Variants in CCDC83 observed in about 807,000 individuals in gnomAD.
The protein encoded by CCDC83 is coiled-coil domain-containing protein 83.
Under a neutral mutation model 50.1 loss-of-function variants are expected in CCDC83, and 54 were observed. That is an observed-to-expected ratio of 1.08 (90% CI 0.87 to 1.35). CCDC83 has a LOEUF of 1.35. CCDC83 is among the 40% of genes most tolerant of loss of function. CCDC83 has a pLI of 0.00. For missense variants in CCDC83, 518 were observed against 473.9 expected (o/e 1.09, Z -0.86); for synonymous variants, 161 against 153.3 (o/e 1.05, Z -0.37).
chr11:85,908,729 C>T (rs1397676043), intron 7 of CCDC83, among the ~76,000 whole-genome samples: 1 of 149,654 alleles, frequency 6.7e-6, no homozygotes, highest in South Asian at 2.1e-4. Flanking sequence ...CATGATGAAA[C>T]CCCGACTCTA....
At chr11:85,916,399 C>G (rs2093477374) in intron 10 of CCDC83, 166 bp downstream of exon 10, 1 of 626,568 alleles carries the variant, frequency 1.6e-6, no homozygotes, top group South Asian at 1.9e-5. Flanking sequence ...ACCATTTTCA[C>G]TCCTACTCTT....
chr11:85,880,594 T>C (rs2093294434), intron 3 of CCDC83, among the ~76,000 whole-genome samples: 2 of 151,896 alleles, frequency 1.3e-5, no homozygotes, highest in African/African-American at 4.8e-5. Flanking sequence ...GATTTTTTTT[T>C]TAATCAGCGT....
chr11:85,907,784 G>T lies in CCDC83; in HGVS notation c.673-3497G>T, dbSNP rs147250553. Reference sequence around the variant, plus strand: ...TTCTAAAGGGATACGTGATGTCATAGGAGAGCCTTAGCCTCTAAGAGTGGA... The same window carrying T: ...TTCTAAAGGGATACGTGATGTCATATGAGAGCCTTAGCCTCTAAGAGTGGA... On this transcript the variant is annotated intron_variant, in intron 7 of 10. Transcript: ENST00000342404. Among the ~76,000 whole-genome samples, 518 of 152,282 alleles carry T rather than the reference G, an allele frequency of 3.4e-3. 3 individuals carry two copies. Among genetic ancestry groups the T allele is most frequent in the African/African-American group, 0.012 (489 of 41,548 alleles).
At chr11:85,882,698 T>C in intron 4 of CCDC83, 23 bp downstream of exon 4, 3 of 1,603,274 alleles carry the variant, frequency 1.9e-6, no homozygotes, top group Non-Finnish European at 2.6e-6. Flanking sequence ...CATAGAAAAC[T>C]ATCATAGAGT....
chr11:85,899,119 G>A (rs2093388835), intron 7 of CCDC83, 104 bp downstream of exon 7: 1 of 745,734 alleles, frequency 1.3e-6, no homozygotes, highest in Admixed American at 2.8e-5. Context: ...ATGGTACCAT[G>A]ACTGACTGAG....
chr11:85,916,150 A>G lies in CCDC83; in HGVS notation c.997A>G (p.Ile333Val). The change falls in exon 10 of 11, where the codon ATA becomes GTA. Residue 333 changes from isoleucine (I) to valine (V), a missense_variant. Transcript: ENST00000342404. The part of the protein sequence containing the change: ...NSIEDLQYVK[I>V]DKEENSGTEF... ...CATCGAAGATCTCCAGTATGTGAAG[A>G]TAGATAAAGAGGAAAACTCAGGCAC... 2 of 1,613,468 alleles carry G rather than the reference A, an allele frequency of 1.2e-6. No individual in the cohort carries two copies. Among genetic ancestry groups the G allele is most frequent in the African/African-American group, 1.3e-5 (1 of 75,004 alleles).
rs1554986877 is a variant in CCDC83 at position 85,917,167 on chromosome 11, A to AAG, written c.1080+934_1080+935insAG. Among the ~76,000 whole-genome samples the AAG allele has an allele frequency of 1.3e-3, 112 of 86,942 alleles. 1 individual carries two copies. The highest frequency in any genetic ancestry group is 4.2e-3 in the African/African-American group (104 of 24,534). 57.0% of individuals were successfully genotyped at this position (86,942 alleles called of 152,430 possible). A position where few individuals can be genotyped will look rare whatever the true frequency, so the allele number is the denominator to read the frequency against. On this transcript the variant is annotated intron_variant, in intron 10 of 10. Transcript: ENST00000342404. ...GAGAGAGAGAGAGAGAGAGAGAGAG[A>AAG]GAAAGAAAGAAAGAAAGAAAGAAAG...
At chr11:85,873,324 A>G in intron 3 of CCDC83, 29 bp downstream of exon 3, 1 of 919,782 alleles carries the variant, frequency 1.1e-6, no homozygotes, top group Non-Finnish European at 1.7e-6. Context: ...ACCTATATAT[A>G]GTCATTAAAT....
At chr11:85,861,541 T>A (rs2093176161) in intron 1 of CCDC83, among the ~76,000 whole-genome samples, 1 of 152,186 alleles carries the variant, frequency 6.6e-6, no homozygotes, top group Admixed American at 6.5e-5. Flanking sequence ...TAAGTAAATA[T>A]CTTTCATTTT....
At chr11:85,875,111 T>C (rs2093261684) in intron 3 of CCDC83, among the ~76,000 whole-genome samples, 1 of 152,200 alleles carries the variant, frequency 6.6e-6, no homozygotes, top group East Asian at 1.9e-4. Flanking sequence ...GTTCCCAATA[T>C]GGCTGAGCCC....
At chr11:85,868,982 C>T (rs923566567) in intron 2 of CCDC83, among the ~76,000 whole-genome samples, 2 of 152,188 alleles carry the variant, frequency 1.3e-5, no homozygotes, top group African/African-American at 4.8e-5. Flanking sequence ...AGTATGAGCT[C>T]AGAGTTTCTT....
intron 1 of CCDC83, among the ~76,000 whole-genome samples, chr11:85,858,809 C>A (rs766299420): frequency 4.6e-5 from 7 of 152,242 alleles, no homozygotes; most frequent in African/African-American, 9.6e-5. Flanking sequence ...AGAAAAGCAG[C>A]AGCTATATTG....
intron 7 of CCDC83, among the ~76,000 whole-genome samples, chr11:85,901,040 G>A (rs909104811): frequency 2.7e-5 from 4 of 150,288 alleles, no homozygotes; most frequent in African/African-American, 9.9e-5. Context: ...ATTCCAGCCT[G>A]GGCGACAGAG....
chr11:85,869,347 G>A (rs749754287), intron 2 of CCDC83, among the ~76,000 whole-genome samples: 1 of 151,990 alleles, frequency 6.6e-6, no homozygotes, highest in African/African-American at 2.4e-5. Context: ...TCTAAGTAAC[G>A]GTAGTTTTTA....
chr11:85,874,403 C>A (rs2093257499), intron 3 of CCDC83, among the ~76,000 whole-genome samples: 1 of 152,168 alleles, frequency 6.6e-6, no homozygotes, highest in Non-Finnish European at 1.5e-5. Context: ...GAAAGTAAAA[C>A]AAATCAGGAT....
intron 7 of CCDC83, among the ~76,000 whole-genome samples, chr11:85,910,909 C>T (rs946678378): frequency 4.6e-5 from 7 of 152,108 alleles, no homozygotes; most frequent in Non-Finnish European, 8.8e-5. Context: ...TGGTGGCTCA[C>T]ACCTGTAATC....
intron 9 of CCDC83, 107 bp downstream of exon 9, chr11:85,915,605 C>A (rs2093473950): frequency 1.4e-6 from 1 of 720,990 alleles, no homozygotes; most frequent in Non-Finnish European, 2.3e-6. Flanking sequence ...AAAAGCTATT[C>A]AGAGAATAGA....
intron 2 of CCDC83, among the ~76,000 whole-genome samples, chr11:85,868,257 C>T (rs1382545116): frequency 6.6e-6 from 1 of 152,096 alleles, no homozygotes; most frequent in East Asian, 1.9e-4. Context: ...CTTGTCTTGC[C>T]CCCCGTTTTC....
chr11:85,899,051 T>G, intron 7 of CCDC83, 36 bp downstream of exon 7: 1 of 1,483,928 alleles, frequency 6.7e-7, no homozygotes, highest in Non-Finnish European at 9.4e-7. Flanking sequence ...AATTTCTTCG[T>G]TCTCATTTTT....
Sources: allele counts gnomAD v4.1 joint callset (sites outside exome capture counted in the v4.1 genomes callset), GRCh38; gene constraint gnomAD v4.1.1; transcripts MANE v1.5; gene names NCBI Gene and HGNC (gene_info 2026-07-23, HGNC 2026-07-21).